IMMP2L: variants seen among roughly 807,000 people sequenced by gnomAD.
IMMP2L encodes inner mitochondrial membrane peptidase subunit 2, also known as mitochondrial inner membrane protease subunit 2.
In IMMP2L, 18 loss-of-function variants were observed where a neutral mutation model predicts 19.3. The observed-to-expected ratio is 0.93, with a 90% CI of 0.64 to 1.38. IMMP2L has a LOEUF of 1.38. Among genes scored for constraint, IMMP2L ranks in the 40% most tolerant of loss-of-function variants. The pLI is 0.00. For missense variants in IMMP2L, 233 were observed against 218.2 expected (o/e 1.07, Z -0.43); for synonymous variants, 76 against 73.0 (o/e 1.04, Z -0.21).
intron 3 of IMMP2L, among the ~76,000 whole-genome samples, chr7:111,077,373 T>C (rs918297817): frequency 1.3e-5 from 2 of 152,340 alleles, no homozygotes; most frequent in Middle Eastern, 3.4e-3. Flanking sequence ...GAGGGCAACT[T>C]GCTCTTCTCT....
chr7:111,545,378 G>A (rs952131939), intron 1 of IMMP2L, among the ~76,000 whole-genome samples: 1 of 152,070 alleles, frequency 6.6e-6, no homozygotes, highest in Non-Finnish European at 1.5e-5. Flanking sequence ...TAATCTTGTT[G>A]TTTTTTCTTG....
intron 3 of IMMP2L, among the ~76,000 whole-genome samples, chr7:111,306,724 T>C (rs1822918672): frequency 6.6e-6 from 1 of 151,076 alleles, no homozygotes; most frequent in Admixed American, 6.6e-5. Context: ...GATAAAGTAA[T>C]GCAGTGTAAG....
chr7:111,309,962 C>T (rs1206571197), intron 3 of IMMP2L, among the ~76,000 whole-genome samples: 4 of 152,006 alleles, frequency 2.6e-5, no homozygotes, highest in South Asian at 2.1e-4. Flanking sequence ...TGGCCGGGCA[C>T]GGTGGCTCAC....
intron 3 of IMMP2L, among the ~76,000 whole-genome samples, chr7:111,420,996 T>C (rs1334132348): frequency 1.3e-5 from 2 of 151,890 alleles, no homozygotes; most frequent in Non-Finnish European, 2.9e-5. Flanking sequence ...TCTTCCACAA[T>C]GGCAGAACTA....
At position 111,421,689 on chromosome 7, in the gene IMMP2L, T is replaced by C. The variant is rs1835570891; in HGVS notation, c.239+65549A>G. On this transcript the variant is annotated intron_variant, in intron 3 of 5. Transcript: ENST00000405709. ...GTAGATTGCCTGTTCACTCTGATGGTAGTTTCTTTTGCCATGCAGAAGCTC... is the reference window on the plus strand; with the variant it reads ...GTAGATTGCCTGTTCACTCTGATGGCAGTTTCTTTTGCCATGCAGAAGCTC... Among the ~76,000 whole-genome samples, 2 of 151,764 alleles carry C rather than the reference T, an allele frequency of 1.3e-5. 1 individual carries two copies. The highest frequency in any genetic ancestry group is 1.3e-4 in the Admixed American group (2 of 15,252).
At chr7:111,388,090 G>A (rs551293825) in intron 3 of IMMP2L, among the ~76,000 whole-genome samples, 2 of 150,518 alleles carry the variant, frequency 1.3e-5, no homozygotes, top group South Asian at 4.2e-4. Context: ...ATCACTTTTA[G>A]AGTCCACACA....
intron 3 of IMMP2L, among the ~76,000 whole-genome samples, chr7:111,437,855 C>A (rs1585096699): frequency 1.3e-5 from 2 of 151,942 alleles, no homozygotes; most frequent in South Asian, 4.2e-4. Flanking sequence ...TTATGCAGTG[C>A]ACAACCTGCA....
chr7:111,538,131 T>C (rs1409424069), intron 1 of IMMP2L, among the ~76,000 whole-genome samples: 1 of 152,132 alleles, frequency 6.6e-6, no homozygotes, highest in Non-Finnish European at 1.5e-5. Context: ...TTCTCATCCT[T>C]ACCCCTAATC....
intron 3 of IMMP2L, among the ~76,000 whole-genome samples, chr7:111,096,448 C>A (rs1372722660): frequency 6.7e-6 from 1 of 150,272 alleles, no homozygotes; most frequent in Non-Finnish European, 1.5e-5. Flanking sequence ...TAGATTCTTG[C>A]AAATTAAAAT....
chr7:111,521,003 A>C (rs1846276434), intron 2 of IMMP2L, among the ~76,000 whole-genome samples: 1 of 152,152 alleles, frequency 6.6e-6, no homozygotes, highest in African/African-American at 2.4e-5. Flanking sequence ...AGGATATTCT[A>C]ATAGAGCCAT....
At chr7:111,159,637 T>C (rs1805033790) in intron 3 of IMMP2L, among the ~76,000 whole-genome samples, 1 of 152,152 alleles carries the variant, frequency 6.6e-6, no homozygotes, top group African/African-American at 2.4e-5. Context: ...TGTGTTTTGT[T>C]TCTAAATTTT....
chr7:111,340,306 T>C (rs934198523), intron 3 of IMMP2L, among the ~76,000 whole-genome samples: 3 of 152,038 alleles, frequency 2.0e-5, no homozygotes, highest in Non-Finnish European at 2.9e-5. Flanking sequence ...AGCCTGATAA[T>C]ACATCCATTC....
intron 3 of IMMP2L, chr7:111,411,520 T>C (rs1834427527): frequency 2.3e-6 from 1 of 426,308 alleles, no homozygotes. Flanking sequence ...ACTGCTTCAT[T>C]AGAATAAAGT....
chr7:111,054,863 T>C (rs1182493549), intron 3 of IMMP2L, among the ~76,000 whole-genome samples: 1 of 152,172 alleles, frequency 6.6e-6, no homozygotes, highest in Admixed American at 6.5e-5. Flanking sequence ...AGAACAATAG[T>C]AAAAGATAGA....
At chr7:111,056,657 C>T (rs1190450794) in intron 3 of IMMP2L, among the ~76,000 whole-genome samples, 1 of 152,110 alleles carries the variant, frequency 6.6e-6, no homozygotes, top group African/African-American at 2.4e-5. Context: ...TGAAGCCTTA[C>T]TGATAAATAG....
At chr7:111,157,047 T>C (rs1341904254) in intron 3 of IMMP2L, among the ~76,000 whole-genome samples, 3 of 152,180 alleles carry the variant, frequency 2.0e-5, no homozygotes, top group East Asian at 1.9e-4. Context: ...CTAGTTCAAA[T>C]GGCTTTCATA....
At chr7:111,048,861 G>A (rs1243196144) in intron 3 of IMMP2L, among the ~76,000 whole-genome samples, 1 of 152,004 alleles carries the variant, frequency 6.6e-6, no homozygotes, top group Non-Finnish European at 1.5e-5. Flanking sequence ...CTCATGTACT[G>A]CAGGGACACC....
intron 4 of IMMP2L, among the ~76,000 whole-genome samples, chr7:110,918,205 T>C (rs2129550142): frequency 6.6e-6 from 1 of 152,302 alleles, no homozygotes; most frequent in East Asian, 1.9e-4. Context: ...AAAACACAGA[T>C]TATGAAATTA....
At chr7:110,756,994 G>GCA (rs1278666680) in intron 5 of IMMP2L, among the ~76,000 whole-genome samples, 1 of 151,980 alleles carries the variant, frequency 6.6e-6, no homozygotes, top group Non-Finnish European at 1.5e-5. Context: ...TTTACTATGT[G>GCA]CCAGGGAGTG....
Sources: gnomAD v4.1 joint callset for allele counts (sites outside exome capture counted in the v4.1 genomes callset) on GRCh38, gnomAD v4.1.1 for gene constraint, MANE v1.5 for transcripts, NCBI Gene and HGNC (gene_info 2026-07-23, HGNC 2026-07-21) for gene names.